Variants in TANC2 observed in about 807,000 individuals in gnomAD.
TANC2 encodes protein TANC2.
A neutral mutation model predicts 210.5 loss-of-function variants in TANC2; 26 were observed. That is an observed-to-expected ratio of 0.12 (90% confidence interval 0.09 to 0.17). The LOEUF (loss-of-function observed/expected upper bound fraction) is 0.17. Among genes scored for constraint, TANC2 ranks in the 10% least tolerant of loss-of-function variants. The pLI is 1.00. For synonymous variants in TANC2, 931 were observed against 967.1 expected (o/e 0.96, Z 0.69); for missense variants, 2,129 against 2,608.9 (o/e 0.82, Z 4.01).
At chr17:63,315,600 C>CT (rs1159423563) in intron 10 of TANC2, among the ~76,000 whole-genome samples, 1 of 152,198 alleles carries the variant, frequency 6.6e-6, no homozygotes, top group Non-Finnish European at 1.5e-5. Context: ...AAAAAAGAAA[C>CT]TATTGCTTTG....
intron 2 of TANC2, among the ~76,000 whole-genome samples, chr17:63,055,993 ATATATATATATAT>A (rs2035787730): frequency 3.0e-4 from 4 of 13,352 alleles, no homozygotes; most frequent in South Asian, 4.7e-3. Flanking sequence ...AAAAAAAAAT[ATATATATATATAT>A]ATATATATAT....
chr17:63,254,433 G>A (rs1376638616), intron 8 of TANC2, among the ~76,000 whole-genome samples: 1 of 152,032 alleles, frequency 6.6e-6, no homozygotes, highest in Non-Finnish European at 1.5e-5. Context: ...AAAATAATTT[G>A]ACTTCTTCCT....
At chr17:63,248,326 G>A (rs2042970146) in intron 8 of TANC2, among the ~76,000 whole-genome samples, 1 of 151,938 alleles carries the variant, frequency 6.6e-6, no homozygotes, top group South Asian at 2.1e-4. Context: ...GGAAAAAAAA[G>A]TATATTCACA....
intron 8 of TANC2, among the ~76,000 whole-genome samples, chr17:63,239,505 C>T (rs1381698854): frequency 6.6e-6 from 1 of 152,102 alleles, no homozygotes; most frequent in Non-Finnish European, 1.5e-5. Flanking sequence ...GTTCTTTGTT[C>T]TCTGGGAGAC....
chr17:63,252,331 T>C (rs1326020654), intron 8 of TANC2, among the ~76,000 whole-genome samples: 1 of 152,104 alleles, frequency 6.6e-6, no homozygotes, highest in African/African-American at 2.4e-5. Context: ...GTAAATGGCA[T>C]AACCATCACC....
intron 2 of TANC2, among the ~76,000 whole-genome samples, chr17:63,026,844 A>C (rs1430176561): frequency 6.6e-6 from 1 of 152,158 alleles, no homozygotes; most frequent in Non-Finnish European, 1.5e-5. Context: ...AAGCCTTTTT[A>C]GCACTGTACT....
Position 63,421,299 on chromosome 17 carries a change from C to T in TANC2, c.5569C>T (p.Leu1857=), listed in dbSNP as rs760632194. 6.2e-7 allele frequency: 1 copy of T among 1,614,056 alleles called. No individual in the cohort carries two copies. The highest frequency in any genetic ancestry group is 8.5e-7 in the Non-Finnish European group (1 of 1,179,904). Reference sequence around the variant, plus strand: ...GCACCCGCCAACTCCCAGGCCGTTGCTGCATTCCCAAAGTGTAGGCCTTCG... The same window carrying T: ...GCACCCGCCAACTCCCAGGCCGTTGTTGCATTCCCAAAGTGTAGGCCTTCG... Residue 1857 remains leucine, a synonymous_variant, in exon 28 of 28, where the codon CTG becomes TTG. Coordinates refer to ENST00000689528, the Ensembl canonical transcript of TANC2. This position sits in a 1 kb window ranked among gnomAD's most constrained non-coding sequence, Gnocchi z 6.9.
At chr17:63,211,402 A>G (rs989370551) in intron 7 of TANC2, among the ~76,000 whole-genome samples, 1 of 151,964 alleles carries the variant, frequency 6.6e-6, no homozygotes, top group Non-Finnish European at 1.5e-5. Flanking sequence ...TCTAGCGGCA[A>G]TAGTTTTTTT....
intron 5 of TANC2, among the ~76,000 whole-genome samples, chr17:63,186,424 C>G (rs1011528096): frequency 1.1e-4 from 16 of 149,252 alleles, no homozygotes; most frequent in Non-Finnish European, 3.0e-5. Context: ...GCAACCTCGG[C>G]TCACTGCAAC....
chr17:63,222,949 A>T (rs1000594834), intron 7 of TANC2, among the ~76,000 whole-genome samples: 1 of 152,220 alleles, frequency 6.6e-6, no homozygotes, highest in Non-Finnish European at 1.5e-5. Context: ...TTACTCAGTG[A>T]TGAAAAGGTA....
intron 5 of TANC2, among the ~76,000 whole-genome samples, chr17:63,172,750 A>G (rs1020196032): frequency 6.6e-5 from 10 of 152,190 alleles, no homozygotes; most frequent in African/African-American, 2.4e-4. Context: ...TATGTTATAA[A>G]TATATATAAA....
chr17:63,107,314 G>A (rs1456805952), intron 4 of TANC2, among the ~76,000 whole-genome samples: 2 of 151,434 alleles, frequency 1.3e-5, no homozygotes, highest in African/African-American at 4.9e-5. Flanking sequence ...ATAAAGGAAT[G>A]AAAAATATAT....
At chr17:62,983,189 T>C (rs1279058167) in intron 1 of TANC2, among the ~76,000 whole-genome samples, 2 of 152,086 alleles carry the variant, frequency 1.3e-5, no homozygotes, top group Non-Finnish European at 2.9e-5. Flanking sequence ...TCTTTCTAAG[T>C]ATTTTATATT....
chr17:63,276,388 A>G (rs1271058422), intron 9 of TANC2, among the ~76,000 whole-genome samples: 3 of 152,000 alleles, frequency 2.0e-5, no homozygotes, highest in South Asian at 4.1e-4. Flanking sequence ...AATATTTCCT[A>G]TTTTAAAACC....
chr17:63,289,977 G>A (rs917161681), intron 9 of TANC2, among the ~76,000 whole-genome samples: 1 of 152,060 alleles, frequency 6.6e-6, no homozygotes, highest in Non-Finnish European at 1.5e-5. Flanking sequence ...GACTAGAGTG[G>A]GAGACAGTTG....
intron 12 of TANC2, among the ~76,000 whole-genome samples, chr17:63,347,726 CTT>C (rs2046460460): frequency 6.6e-6 from 1 of 152,236 alleles, no homozygotes; most frequent in African/African-American, 2.4e-5. Flanking sequence ...TCTCAGTACA[CTT>C]TTGCTTTAGC....
At chr17:63,278,964 G>T (rs1186315136) in intron 9 of TANC2, among the ~76,000 whole-genome samples, 1 of 152,106 alleles carries the variant, frequency 6.6e-6, no homozygotes, top group East Asian at 1.9e-4. Flanking sequence ...GGGAGTTCCT[G>T]TTCAATGGGT....
intron 3 of TANC2, among the ~76,000 whole-genome samples, chr17:63,083,695 C>T (rs141258131): frequency 1.5e-3 from 228 of 152,254 alleles, no homozygotes; most frequent in Non-Finnish European, 2.2e-3. Flanking sequence ...AGTCTTCAGA[C>T]GGCTTTTGGA....
intron 7 of TANC2, among the ~76,000 whole-genome samples, chr17:63,202,812 T>A (rs2041579189): frequency 1.3e-5 from 2 of 152,184 alleles, no homozygotes; most frequent in South Asian, 4.1e-4. Flanking sequence ...CTATTATATT[T>A]ATATAAGTCC....
Sources: gnomAD v4.1 joint callset for allele counts (sites outside exome capture counted in the v4.1 genomes callset) on GRCh38, gnomAD v4.1.1 for gene constraint, Gnocchi (gnomAD v3.1) non-coding constraint, MANE v1.5 for transcripts, NCBI Gene and HGNC (gene_info 2026-07-23, HGNC 2026-07-21) for gene names.